Variants in PPP1R9A observed in about 807,000 individuals in gnomAD.
PPP1R9A encodes neurabin-1.
Under a neutral mutation model 141.9 loss-of-function variants are expected in PPP1R9A, and 59 were observed. That is an observed-to-expected ratio of 0.42 (90% confidence interval 0.34 to 0.52). PPP1R9A has a LOEUF of 0.52. Among genes scored for constraint, PPP1R9A ranks in the 20% least tolerant of loss-of-function variants. PPP1R9A has a pLI of 0.10. For synonymous variants in PPP1R9A, 500 were observed against 569.7 expected (o/e 0.88, Z 1.74); for missense variants, 1,444 against 1,611.9 (o/e 0.90, Z 1.78).
intron 2 of PPP1R9A, among the ~76,000 whole-genome samples, chr7:94,988,410 C>T (rs1801111365): frequency 6.6e-6 from 1 of 151,990 alleles, no homozygotes; most frequent in African/African-American, 2.4e-5. Flanking sequence ...GACACCAGCT[C>T]AACAGTTTAG....
intron 2 of PPP1R9A, among the ~76,000 whole-genome samples, chr7:95,073,933 C>G (rs528347852): frequency 2.8e-5 from 4 of 144,846 alleles, no homozygotes; most frequent in African/African-American, 1.2e-4. Flanking sequence ...CACTCACACA[C>G]GCTATTAGGC....
chr7:94,938,516 G>A (rs1795006551), intron 2 of PPP1R9A, among the ~76,000 whole-genome samples: 1 of 151,942 alleles, frequency 6.6e-6, no homozygotes, highest in African/African-American at 2.4e-5. Flanking sequence ...GGAAAAAAGT[G>A]TTCCTAATTT....
intron 2 of PPP1R9A, among the ~76,000 whole-genome samples, chr7:94,917,782 T>A (rs1792280994): frequency 6.6e-6 from 1 of 152,100 alleles, no homozygotes; most frequent in Non-Finnish European, 1.5e-5. Flanking sequence ...ATTGTTGGGT[T>A]CATGTACTTG....
At chr7:95,139,538 G>A (rs1826265597) in intron 4 of PPP1R9A, among the ~76,000 whole-genome samples, 1 of 152,152 alleles carries the variant, frequency 6.6e-6, no homozygotes, top group South Asian at 2.1e-4. Context: ...TCAGGAATCT[G>A]TGATTTTCAA....
rs370323739 is a variant in PPP1R9A at position 95,294,159 on chromosome 7, C to T, written c.*3856C>T. On this transcript the variant is annotated 3_prime_UTR_variant, in exon 20 of 20. Transcript: ENST00000433360. ...AAAGGTAAAATGGAAGAGAAAAGCA[C>T]AGTCCTTTCCTGTCTTTTCAAATTT... The T allele has an allele frequency of 1.3e-5, 2 of 152,060 alleles. No homozygotes were observed. Among genetic ancestry groups the T allele is most frequent in the African/African-American group, 4.8e-5 (2 of 41,412 alleles). 9.4% of individuals were successfully genotyped at this position (152,060 alleles called of 1,614,324 possible).
At chr7:95,022,468 A>T (rs769655619) in intron 2 of PPP1R9A, among the ~76,000 whole-genome samples, 64 of 152,078 alleles carry the variant, frequency 4.2e-4, no homozygotes, top group Non-Finnish European at 1.3e-4. Flanking sequence ...AATATCCTTT[A>T]TTTCTTTCTC....
chr7:95,225,926 G>A (rs1415175551), intron 7 of PPP1R9A, 35 bp from the exon 8 acceptor site: 1 of 1,572,732 alleles, frequency 6.4e-7, no homozygotes, highest in Non-Finnish European at 8.7e-7. Context: ...CCTGGGGTAA[G>A]GACAGCTGGA....
rs143571303 is a variant in PPP1R9A at position 95,209,982 on chromosome 7, C to G, written c.1956+6252C>G. 7.1e-3 allele frequency among the ~76,000 whole-genome samples: 1,077 copies of G among 152,236 alleles called. 27 individuals carry two copies. Among genetic ancestry groups the G allele is most frequent in the Admixed American group, 0.04 (608 of 15,296 alleles). On this transcript the variant is annotated intron_variant, in intron 7 of 19. Transcript: ENST00000433360. Reference sequence around the variant, plus strand: ...TGTTCTCTTGGCAAGTAAAATGAAACTCAAGGAAGACTGCCAGTTTGAATT... The same window carrying G: ...TGTTCTCTTGGCAAGTAAAATGAAAGTCAAGGAAGACTGCCAGTTTGAATT...
At chr7:94,965,494 G>A (rs1798104172) in intron 2 of PPP1R9A, among the ~76,000 whole-genome samples, 2 of 152,010 alleles carry the variant, frequency 1.3e-5, no homozygotes, top group Admixed American at 6.5e-5. Context: ...ATTAATTTTT[G>A]TATATGGTTT....
At chr7:94,974,691 G>GA in intron 2 of PPP1R9A, among the ~76,000 whole-genome samples, 1 of 152,208 alleles carries the variant, frequency 6.6e-6, no homozygotes, top group Non-Finnish European at 1.5e-5. Context: ...TAACTCCTGG[G>GA]AAACGTACAT....
At chr7:95,077,656 G>T (rs1321629277) in intron 2 of PPP1R9A, among the ~76,000 whole-genome samples, 1 of 152,090 alleles carries the variant, frequency 6.6e-6, no homozygotes, top group Admixed American at 6.6e-5. Context: ...TTATTAATAT[G>T]TACACCTCTT....
At chr7:95,019,510 A>G (rs540460414) in intron 2 of PPP1R9A, among the ~76,000 whole-genome samples, 1 of 152,360 alleles carries the variant, frequency 6.6e-6, no homozygotes, top group South Asian at 2.1e-4. Flanking sequence ...TATATCAGAC[A>G]AAGGACTTGT....
At chr7:94,908,256 G>C (rs1454444232) in intron 1 of PPP1R9A, 1 of 152,188 alleles carries the variant, frequency 6.6e-6, no homozygotes, top group Non-Finnish European at 1.5e-5. Flanking sequence ...TGGTGGAGGA[G>C]CAATAGGTTG....
intron 2 of PPP1R9A, among the ~76,000 whole-genome samples, chr7:95,101,952 C>T (rs1313974984): frequency 1.3e-5 from 2 of 152,018 alleles, no homozygotes; most frequent in South Asian, 2.1e-4. Context: ...GGAGAGCATC[C>T]AGCCTGTTAA....
At chr7:95,212,409 C>A (rs1023152986) in intron 7 of PPP1R9A, among the ~76,000 whole-genome samples, 7 of 151,974 alleles carry the variant, frequency 4.6e-5, no homozygotes, top group Non-Finnish European at 8.8e-5. Flanking sequence ...AGAAAGACCA[C>A]CATTAGATCA....
chr7:95,269,544 C>T (rs1801834372), intron 14 of PPP1R9A, 37 bp downstream of exon 14: 3 of 1,462,560 alleles, frequency 2.1e-6, no homozygotes, highest in South Asian at 2.5e-5. Context: ...CATAACACCT[C>T]AGCTTGTACA....
intron 5 of PPP1R9A, among the ~76,000 whole-genome samples, chr7:95,183,743 A>T (rs1441973325): frequency 1.3e-5 from 2 of 152,050 alleles, no homozygotes; most frequent in Non-Finnish European, 2.9e-5. Context: ...CACAGCGCCC[A>T]GCCAAAAATA....
intron 18 of PPP1R9A, among the ~76,000 whole-genome samples, chr7:95,288,131 A>G (rs971220180): frequency 6.6e-6 from 1 of 152,160 alleles, no homozygotes; most frequent in Admixed American, 6.5e-5. Flanking sequence ...CAAGTGAAAG[A>G]TACCTCAGTA....
At chr7:95,143,678 C>T (rs1310500969) in intron 4 of PPP1R9A, among the ~76,000 whole-genome samples, 1 of 152,134 alleles carries the variant, frequency 6.6e-6, no homozygotes, top group Non-Finnish European at 1.5e-5. Flanking sequence ...AGAAAGGAAT[C>T]TTGGCTTAGT....
Sources: allele counts gnomAD v4.1 joint callset (sites outside exome capture counted in the v4.1 genomes callset), GRCh38; gene constraint gnomAD v4.1.1; transcripts MANE v1.5; gene names NCBI Gene and HGNC (gene_info 2026-07-23, HGNC 2026-07-21).